The following TRPM6 variants were observed in gnomAD, a reference collection of about 807,000 sequenced individuals.
TRPM6 encodes channel kinase 2.
Under a neutral mutation model 247.6 loss-of-function variants are expected in TRPM6, and 111 were observed. That is an observed-to-expected ratio of 0.45 (90% CI 0.38 to 0.52). TRPM6 has a LOEUF of 0.52. Among genes scored for constraint, TRPM6 ranks in the 20% least tolerant of loss-of-function variants. The pLI is 0.00. For missense variants in TRPM6, 2,126 were observed against 2,421.5 expected (o/e 0.88, Z 2.56); for synonymous variants, 892 against 853.8 (o/e 1.04, Z -0.78).
At position 74,887,868 on chromosome 9, in the gene TRPM6, AG is replaced by A; in HGVS notation, c.-13del. Reference sequence around the variant, plus strand: ...GGTTGTTCTTTCATCTTTGATTTGCAGGCCCTGCTCCCAAAGCCCTGTCTGA... The same window carrying A: ...GGTTGTTCTTTCATCTTTGATTTGCAGCCCTGCTCCCAAAGCCCTGTCTGA... On this transcript the variant is annotated 5_prime_UTR_variant, in exon 1 of 39. Transcript: ENST00000360774. 1 of 1,614,066 alleles carries A rather than the reference AG, an allele frequency of 6.2e-7. No homozygotes were observed. The highest frequency in any genetic ancestry group is 1.3e-5 in the African/African-American group (1 of 75,036).
intron 20 of TRPM6, among the ~76,000 whole-genome samples, chr9:74,787,417 A>G (rs750107152): frequency 2.0e-5 from 3 of 152,220 alleles, no homozygotes; most frequent in Non-Finnish European, 2.9e-5. Flanking sequence ...ACCGTGTCAG[A>G]CAAACAGAAA....
chr9:74,867,901 C>T (rs1830901789), intron 1 of TRPM6, among the ~76,000 whole-genome samples: 1 of 152,180 alleles, frequency 6.6e-6, no homozygotes, highest in Admixed American at 6.5e-5. Context: ...CGCCTGTAAT[C>T]CCAGCACTTT....
intron 19 of TRPM6, among the ~76,000 whole-genome samples, chr9:74,789,593 T>C (rs1372622459): frequency 6.6e-6 from 1 of 152,174 alleles, no homozygotes; most frequent in African/African-American, 2.4e-5. Flanking sequence ...TTATCAACAA[T>C]GTATGAGACT....
At chr9:74,759,118 C>A (rs1425638014) in intron 27 of TRPM6, among the ~76,000 whole-genome samples, 1 of 152,038 alleles carries the variant, frequency 6.6e-6, no homozygotes, top group African/African-American at 2.4e-5. Flanking sequence ...TCAAAGAAGA[C>A]CTAAATGGAG....
Position 74,812,310 on chromosome 9 carries a change from G to A in TRPM6, c.1432C>T (p.Leu478Phe), listed in dbSNP as rs374784368. The A allele has an allele frequency of 3.7e-6, 6 of 1,613,594 alleles. No homozygotes were observed. Among genetic ancestry groups the A allele is most frequent in the Non-Finnish European group, 5.1e-6 (6 of 1,179,880 alleles). ...RFLTIPRLEE[L>F]YNTKQGPTNT... The stretch of plus-strand genomic sequence containing the variant: ...TGTTCCATACTCACTGTATTGTAGA[G>A]CTCTTCCAGTCGAGGGATGGTAAGA... Residue 478 changes from leucine (L) to phenylalanine (F), a missense_variant, in exon 12 of 39, where the codon CTC (leucine) becomes TTC (phenylalanine). Coordinates refer to ENST00000360774, the MANE Select transcript of TRPM6 (RefSeq NM_017662.5).
Position 74,763,135 on chromosome 9 carries a change from C to T in TRPM6, c.3537-1G>A. On this transcript the variant is annotated splice_acceptor_variant, in intron 25 of 38. Coordinates refer to ENST00000360774, the MANE Select transcript of TRPM6 (RefSeq NM_017662.5). LOFTEE classifies it high-confidence loss of function. ...CAGCTGGAAGTACATCTCTGTAACC[C>T]TAGTGGTGAAGGAAGGGAGAAAACC... The T allele has an allele frequency of 6.2e-7, 1 of 1,608,652 alleles. No individual in the cohort carries two copies.
intron 19 of TRPM6, among the ~76,000 whole-genome samples, chr9:74,790,267 A>G (rs1827856286): frequency 6.6e-6 from 1 of 152,190 alleles, no homozygotes; most frequent in African/African-American, 2.4e-5. Context: ...GAAGAGAAGC[A>G]TATAAGAAAG....
intron 33 of TRPM6, 99 bp from the exon 34 acceptor site, chr9:74,740,108 A>T (rs951348642): frequency 1.2e-5 from 17 of 1,360,396 alleles, no homozygotes; most frequent in Admixed American, 9.8e-5. Context: ...CAGTTACCCA[A>T]ATGACCAGAG....
chr9:74,876,188 A>G (rs1043928735), intron 1 of TRPM6, among the ~76,000 whole-genome samples: 1 of 152,184 alleles, frequency 6.6e-6, no homozygotes, highest in African/African-American at 2.4e-5. Flanking sequence ...GGTTCAAGCA[A>G]TTCTCTTGCC....
At chr9:74,793,677 A>G (rs1465815599) in intron 18 of TRPM6, among the ~76,000 whole-genome samples, 2 of 152,224 alleles carry the variant, frequency 1.3e-5, no homozygotes, top group Non-Finnish European at 2.9e-5. Flanking sequence ...GCACTGCATT[A>G]GTTTTAGGAT....
intron 1 of TRPM6, chr9:74,887,196 G>A (rs1301165916): frequency 6.5e-6 from 8 of 1,238,664 alleles, no homozygotes; most frequent in Non-Finnish European, 8.2e-6. Context: ...GCCGCGTTGG[G>A]GAAGGAAGCG....
At chr9:74,737,430 T>C (rs1288624028) in intron 36 of TRPM6, 2 of 1,289,614 alleles carry the variant, frequency 1.6e-6, no homozygotes, top group East Asian at 5.5e-5. Flanking sequence ...GCTTTCAGCA[T>C]AGAATCCCAG....
chr9:74,786,541 T>A (rs1471118826), intron 20 of TRPM6, among the ~76,000 whole-genome samples: 1 of 149,424 alleles, frequency 6.7e-6, no homozygotes, highest in South Asian at 2.1e-4. Context: ...GAGATCGAGA[T>A]CATCCTGGCT....
At chr9:74,856,412 C>T (rs920537460) in intron 2 of TRPM6, among the ~76,000 whole-genome samples, 2 of 151,234 alleles carry the variant, frequency 1.3e-5, no homozygotes, top group Non-Finnish European at 2.9e-5. Context: ...TGTACTGCAA[C>T]GTGGGGGACA....
At chr9:74,862,858 A>G (rs1200207024) in intron 1 of TRPM6, among the ~76,000 whole-genome samples, 2 of 151,652 alleles carry the variant, frequency 1.3e-5, no homozygotes, top group South Asian at 2.1e-4. Context: ...TCGGGCGCCT[A>G]TAGTCCCAGT....
chr9:74,748,369 TTATG>T (rs1424614690), intron 30 of TRPM6, among the ~76,000 whole-genome samples: 1 of 152,226 alleles, frequency 6.6e-6, no homozygotes, highest in African/African-American at 2.4e-5. Context: ...CTCCTTATAT[TTATG>T]TTTTCTTTTT....
intron 23 of TRPM6, among the ~76,000 whole-genome samples, chr9:74,779,909 C>T (rs935300705): frequency 1.3e-5 from 2 of 152,226 alleles, no homozygotes; most frequent in South Asian, 4.1e-4. Flanking sequence ...CGCAGTGGCT[C>T]ACACCTGTAA....
At chr9:74,764,123 CA>C (rs79224540) in intron 25 of TRPM6, among the ~76,000 whole-genome samples, 5,061 of 98,266 alleles carry the variant, frequency 0.052, 163 homozygotes, top group African/African-American at 0.13. Flanking sequence ...GACTCCATCT[CA>C]AAAAAAAAAA....
intron 23 of TRPM6, among the ~76,000 whole-genome samples, chr9:74,779,850 G>C (rs1332523378): frequency 6.6e-6 from 1 of 152,182 alleles, no homozygotes; most frequent in Admixed American, 6.5e-5. Flanking sequence ...GAGAGGAATG[G>C]GTCAGGGGAA....
Sources: gnomAD v4.1 joint callset for allele counts (sites outside exome capture counted in the v4.1 genomes callset) on GRCh38, gnomAD v4.1.1 for gene constraint, MANE v1.5 for transcripts, NCBI Gene and HGNC (gene_info 2026-07-23, HGNC 2026-07-21) for gene names.